Variants in ANAPC10 observed in about 807,000 individuals in gnomAD.
ANAPC10 encodes the protein anaphase promoting complex subunit 10.
A neutral mutation model predicts 22.0 loss-of-function variants in ANAPC10; 12 were observed. That is an observed-to-expected ratio of 0.55 (90% CI 0.35 to 0.88). ANAPC10 has a LOEUF of 0.88. Among genes scored for constraint, ANAPC10 ranks in the 40% least tolerant of loss-of-function variants. The pLI, the probability that ANAPC10 is intolerant of heterozygous loss-of-function variation, is 0.01. For synonymous variants in ANAPC10, 65 were observed against 69.5 expected, an observed-to-expected ratio of 0.94 and a Z score of 0.32; for missense variants, 188 against 220.9, an observed-to-expected ratio of 0.85 and a Z score of 0.94.
rs58188670 is a variant in ANAPC10, at chr4:145,080,907, CA to C, written c.206+752del. ...GGGCAACAAGAGCAAAACTCCATCT[CA>C]AAAAAAAAAAAAAAAAAAAAGATGG... On this transcript the variant is annotated intron_variant, in intron 3 of 4. Coordinates refer to ENST00000507656, the MANE Select transcript of ANAPC10 (RefSeq NM_001256706.2). 5.1e-3 allele frequency among the ~76,000 whole-genome samples: 198 copies of C among 38,842 alleles called. 1 individual carries two copies. The highest frequency in any genetic ancestry group is 0.013 in the African/African-American group (136 of 10,260). 25.5% of individuals were successfully genotyped at this position (38,842 alleles called of 152,430 possible).
At chr4:145,011,336 AAAAAT>A (rs70956822) in intron 4 of ANAPC10, among the ~76,000 whole-genome samples, 1,760 of 130,120 alleles carry the variant, frequency 0.014, 20 homozygotes, top group African/African-American at 0.029. Context: ...GACTGTCTTA[AAAAAT>A]AAAATAAAAT....
chr4:145,081,797 C>G (rs774828431), intron 2 of ANAPC10, 47 bp from the exon 3 acceptor site: 1 of 1,280,380 alleles, frequency 7.8e-7, no homozygotes, highest in Non-Finnish European at 1.1e-6. Flanking sequence ...AAAGAAACAA[C>G]TATACATGCA....
intron 4 of ANAPC10, among the ~76,000 whole-genome samples, chr4:145,026,297 T>C (rs1736647933): frequency 6.6e-6 from 1 of 152,146 alleles, no homozygotes. Flanking sequence ...TTCTCATTGG[T>C]TGGAATATAT....
intron 2 of ANAPC10, among the ~76,000 whole-genome samples, chr4:145,091,360 AT>A (rs1274497816): frequency 6.6e-6 from 1 of 152,232 alleles, no homozygotes; most frequent in African/African-American, 2.4e-5. Context: ...ACTAGCACTG[AT>A]TTGTATCTCA....
chr4:145,048,051 T>C (rs1311683585), intron 4 of ANAPC10, among the ~76,000 whole-genome samples: 1 of 152,172 alleles, frequency 6.6e-6, no homozygotes, highest in East Asian at 1.9e-4. Flanking sequence ...TTCTCTAAGA[T>C]CACATGCTTA....
chr4:145,025,337 C>G (rs1185803287), intron 4 of ANAPC10, among the ~76,000 whole-genome samples: 1 of 149,946 alleles, frequency 6.7e-6, no homozygotes, highest in South Asian at 2.2e-4. Context: ...AACACGCCCC[C>G]CCCCCCTTTT....
intron 3 of ANAPC10, among the ~76,000 whole-genome samples, chr4:145,074,136 A>G (rs1744869437): frequency 1.3e-5 from 2 of 151,388 alleles, no homozygotes; most frequent in African/African-American, 4.8e-5. Context: ...TTCACTTTAT[A>G]AAATATATAA....
intron 4 of ANAPC10, 185 bp downstream of exon 4, chr4:145,064,387 G>T (rs1261657097): frequency 4.9e-6 from 2 of 404,956 alleles, no homozygotes; most frequent in African/African-American, 2.1e-5. Context: ...ATAAAATATT[G>T]TGGAAAAAAT....
chr4:145,094,417 C>CT (rs1280359319), intron 2 of ANAPC10, among the ~76,000 whole-genome samples: 3 of 152,140 alleles, frequency 2.0e-5, no homozygotes, highest in Non-Finnish European at 4.4e-5. Context: ...GCTTATATGA[C>CT]TGTACATGTC....
intron 4 of ANAPC10, among the ~76,000 whole-genome samples, chr4:145,010,674 G>A (rs974857608): frequency 1.3e-5 from 2 of 152,026 alleles, no homozygotes; most frequent in African/African-American, 2.4e-5. Flanking sequence ...GGCCTGTCGT[G>A]GGGTGGGGAA....
intron 4 of ANAPC10, among the ~76,000 whole-genome samples, chr4:145,012,164 A>ATG (rs201645751): frequency 9.1e-4 from 127 of 138,980 alleles, no homozygotes; most frequent in South Asian, 1.6e-3. Context: ...CTATATGTAT[A>ATG]TGTGTGTGTG....
intron 4 of ANAPC10, among the ~76,000 whole-genome samples, chr4:145,052,032 C>T (rs1741178126): frequency 6.6e-6 from 1 of 152,090 alleles, no homozygotes; most frequent in African/African-American, 2.4e-5. Context: ...AGAACTGCAT[C>T]TTCTCATTTA....
chr4:145,073,823 A>AAT (rs1744829919), intron 3 of ANAPC10, among the ~76,000 whole-genome samples: 2 of 152,082 alleles, frequency 1.3e-5, no homozygotes, highest in Admixed American at 1.3e-4. Flanking sequence ...AATATAATTA[A>AAT]AAATGTTGTA....
intron 4 of ANAPC10, among the ~76,000 whole-genome samples, chr4:145,023,707 T>C (rs1164541554): frequency 6.6e-6 from 1 of 152,210 alleles, no homozygotes; most frequent in Non-Finnish European, 1.5e-5. Flanking sequence ...AACAATCATC[T>C]GGGCCTTTAG....
At chr4:145,063,070 G>A (rs550112239) in intron 4 of ANAPC10, among the ~76,000 whole-genome samples, 43 of 152,198 alleles carry the variant, frequency 2.8e-4, no homozygotes, top group African/African-American at 9.9e-4. Flanking sequence ...TAGATAGGAA[G>A]AATAAAATCA....
intron 4 of ANAPC10, among the ~76,000 whole-genome samples, chr4:145,022,188 G>A (rs899011832): frequency 5.3e-5 from 8 of 152,024 alleles, no homozygotes; most frequent in Admixed American, 6.6e-5. Flanking sequence ...GTCATTATAT[G>A]AAAAAGATAC....
chr4:144,995,427 A>G lies in ANAPC10; in HGVS notation c.504T>C (p.Gly168=), dbSNP rs1411615796. ...IYTPVEESSI[G]KFPRCTTIDF... is the part of the protein sequence containing the mutation. Reference sequence around the variant, plus strand: ...CTATAGTTGTACATCTAGGAAATTTACCAATGGAGCTCTCTTCTACTGGTG... The same window carrying G: ...CTATAGTTGTACATCTAGGAAATTTGCCAATGGAGCTCTCTTCTACTGGTG... Residue 168 remains glycine (G), a synonymous_variant, in exon 5 of 5, where the codon GGT becomes GGC. Coordinates refer to ENST00000507656, the MANE Select transcript of ANAPC10 (RefSeq NM_001256706.2). 3 of 1,613,768 alleles carry G rather than the reference A, an allele frequency of 1.9e-6. No homozygotes were observed. Among genetic ancestry groups the G allele is most frequent in the Non-Finnish European group, 1.7e-6 (2 of 1,179,806 alleles).
At chr4:145,007,404 G>A (rs1733559570) in intron 4 of ANAPC10, among the ~76,000 whole-genome samples, 1 of 151,994 alleles carries the variant, frequency 6.6e-6, no homozygotes, top group East Asian at 1.9e-4. Context: ...GCATCCCTCA[G>A]CAAATGTAAA....
At chr4:145,089,710 C>CT (rs1747394691) in intron 2 of ANAPC10, among the ~76,000 whole-genome samples, 1 of 152,132 alleles carries the variant, frequency 6.6e-6, no homozygotes, top group Non-Finnish European at 1.5e-5. Context: ...CATGTGCCAC[C>CT]TACCATCCTG....
Sources: gnomAD v4.1 joint callset for allele counts (sites outside exome capture counted in the v4.1 genomes callset) on GRCh38, gnomAD v4.1.1 for gene constraint, MANE v1.5 for transcripts, NCBI Gene and HGNC (gene_info 2026-07-23, HGNC 2026-07-21) for gene names.